Variants in ZBTB20 observed in about 807,000 individuals in gnomAD.
ZBTB20 encodes zinc finger and BTB domain-containing protein 20.
A neutral mutation model predicts 56.9 loss-of-function variants in ZBTB20; 9 were observed. The observed-to-expected ratio is 0.16, with a 90% confidence interval of 0.10 to 0.28. The LOEUF (loss-of-function observed/expected upper bound fraction) is 0.28. Among genes scored for constraint, ZBTB20 ranks in the 10% least tolerant of loss-of-function variants. ZBTB20 has a pLI of 1.00. For synonymous variants in ZBTB20, 417 were observed against 420.7 expected (o/e 0.99, Z 0.11); for missense variants, 655 against 1,003.0 (o/e 0.65, Z 4.69).
intron 4 of ZBTB20, among the ~76,000 whole-genome samples, chr3:114,829,305 A>G (rs1000544548): frequency 6.6e-6 from 1 of 151,866 alleles, no homozygotes; most frequent in African/African-American, 2.4e-5. Context: ...AAGAGATATA[A>G]TTATTTTAGT....
At chr3:114,984,211 C>T (rs2078442456) in intron 2 of ZBTB20, among the ~76,000 whole-genome samples, 1 of 151,842 alleles carries the variant, frequency 6.6e-6, no homozygotes, top group South Asian at 2.1e-4. Flanking sequence ...TGAGCCTGGC[C>T]CATTCCCAGT....
chr3:114,624,108 C>T (rs2058501567), intron 6 of ZBTB20: 1 of 152,174 alleles, frequency 6.6e-6, no homozygotes, highest in Admixed American at 6.6e-5. Flanking sequence ...TGGAACCTCA[C>T]CACTCACCAG....
chr3:114,679,755 T>C (rs1362665864), intron 6 of ZBTB20, among the ~76,000 whole-genome samples: 1 of 152,162 alleles, frequency 6.6e-6, no homozygotes, highest in Non-Finnish European at 1.5e-5. Context: ...GAATCAGAAA[T>C]ACCATTTGAC....
At chr3:114,484,464 C>G (rs532065793) in intron 7 of ZBTB20, among the ~76,000 whole-genome samples, 17 of 152,260 alleles carry the variant, frequency 1.1e-4, no homozygotes, top group African/African-American at 4.1e-4. Flanking sequence ...CTCTGTCTGT[C>G]TGGACCAGGT....
chr3:114,831,814 A>T (rs770633259), intron 4 of ZBTB20, among the ~76,000 whole-genome samples: 1 of 152,026 alleles, frequency 6.6e-6, no homozygotes, highest in Non-Finnish European at 1.5e-5. Context: ...AAGATCTTGG[A>T]CTTTATCTAC....
At chr3:115,109,697 T>A (rs543471869) in intron 1 of ZBTB20, among the ~76,000 whole-genome samples, 1 of 152,126 alleles carries the variant, frequency 6.6e-6, no homozygotes, top group Non-Finnish European at 1.5e-5. Flanking sequence ...CTGGTGATAT[T>A]AGGTAGAAAA....
chr3:115,105,707 T>A (rs562989548), intron 1 of ZBTB20, among the ~76,000 whole-genome samples: 1 of 152,366 alleles, frequency 6.6e-6, no homozygotes, highest in African/African-American at 2.4e-5. Flanking sequence ...ATGCAAATAA[T>A]TGTTTAAAGA....
intron 4 of ZBTB20, among the ~76,000 whole-genome samples, chr3:114,819,706 G>A (rs2073132459): frequency 6.6e-6 from 1 of 151,524 alleles, no homozygotes; most frequent in Non-Finnish European, 1.5e-5. Context: ...TAGAAAAAAT[G>A]GTGAATATTT....
chr3:115,071,783 T>C (rs192180210), intron 1 of ZBTB20, among the ~76,000 whole-genome samples: 1 of 152,278 alleles, frequency 6.6e-6, no homozygotes, highest in Non-Finnish European at 1.5e-5. Context: ...ATGATGACTG[T>C]TCTTGTGCAT....
At chr3:114,345,655 A>C (rs1056296862) in intron 11 of ZBTB20, among the ~76,000 whole-genome samples, 2 of 152,148 alleles carry the variant, frequency 1.3e-5, no homozygotes, top group Admixed American at 1.3e-4. Flanking sequence ...GGCTTGTTAC[A>C]CAGATTTCTA....
intron 7 of ZBTB20, chr3:114,445,432 T>C (rs1323643065): frequency 1.1e-4 from 17 of 152,204 alleles, no homozygotes; most frequent in Admixed American, 1.0e-3. Context: ...AGTTCACTCT[T>C]ACTGATGTAA....
At chr3:114,923,724 A>AAAAAC (rs2076046584) in intron 3 of ZBTB20, among the ~76,000 whole-genome samples, 1 of 152,194 alleles carries the variant, frequency 6.6e-6, no homozygotes, top group African/African-American at 2.4e-5. Context: ...AAGTAGAACT[A>AAAAAC]CACCAAACTA....
At chr3:114,657,045 T>TA (rs1242458451) in intron 6 of ZBTB20, among the ~76,000 whole-genome samples, 2 of 152,028 alleles carry the variant, frequency 1.3e-5, no homozygotes, top group East Asian at 1.9e-4. Flanking sequence ...CCATGGACTT[T>TA]AAAAAAAAAT....
chr3:114,529,752 T>A (rs1559916628), intron 6 of ZBTB20, among the ~76,000 whole-genome samples: 4 of 152,236 alleles, frequency 2.6e-5, no homozygotes. Context: ...TGGAAATGTA[T>A]TGTGACAACC....
At chr3:114,445,108 C>G (rs1240121539) in intron 7 of ZBTB20, among the ~76,000 whole-genome samples, 3 of 152,128 alleles carry the variant, frequency 2.0e-5, no homozygotes, top group African/African-American at 4.8e-5. Flanking sequence ...CAAACAATAG[C>G]ATAACAAGTT....
At chr3:115,072,869 T>C (rs911812654) in intron 1 of ZBTB20, among the ~76,000 whole-genome samples, 1 of 152,200 alleles carries the variant, frequency 6.6e-6, no homozygotes, top group African/African-American at 2.4e-5. Context: ...GAACTCTGCA[T>C]AACCAGATGC....
At chr3:114,856,051 T>C (rs1282988946) in intron 4 of ZBTB20, among the ~76,000 whole-genome samples, 2 of 152,158 alleles carry the variant, frequency 1.3e-5, no homozygotes, top group Admixed American at 1.3e-4. Context: ...TTTCAGCAGT[T>C]TCACTTTCTG....
chr3:114,719,203 T>C (rs1171765154), intron 5 of ZBTB20, among the ~76,000 whole-genome samples: 1 of 148,536 alleles, frequency 6.7e-6, no homozygotes, highest in African/African-American at 2.5e-5. Context: ...GGGGGGGAAA[T>C]AGAAGCAAGA....
chr3:114,858,040 TAAGTG>T (rs1291806410), intron 4 of ZBTB20, among the ~76,000 whole-genome samples: 1 of 152,212 alleles, frequency 6.6e-6, no homozygotes, highest in Non-Finnish European at 1.5e-5. Context: ...TTGTGCTACA[TAAGTG>T]AATACAGTGC....
Sources: gnomAD v4.1 joint callset for allele counts (sites outside exome capture counted in the v4.1 genomes callset) on GRCh38, gnomAD v4.1.1 for gene constraint, MANE v1.5 for transcripts, NCBI Gene and HGNC (gene_info 2026-07-23, HGNC 2026-07-21) for gene names.